GET4: variants seen among roughly 807,000 people sequenced by gnomAD.
GET4 encodes Golgi to ER traffic protein 4 homolog.
In GET4, 20 loss-of-function variants were observed where a neutral mutation model predicts 40.0. The observed-to-expected ratio is 0.50, with a 90% CI of 0.35 to 0.73. The LOEUF (loss-of-function observed/expected upper bound fraction) is 0.73. Among genes scored for constraint, GET4 ranks in the 30% least tolerant of loss-of-function variants. The pLI is 0.01. For missense variants in GET4, 557 were observed against 454.0 expected (o/e 1.23, Z -2.06); for synonymous variants, 280 against 194.6 (o/e 1.44, Z -3.65).
intron 8 of GET4, 58 bp from the exon 9 acceptor site, chr7:895,276 G>A: frequency 3.6e-6 from 3 of 823,596 alleles, no homozygotes; most frequent in East Asian, 2.6e-5. Flanking sequence ...GGAAGGAGGG[G>A]CTTGGGGGCC....
intron 6 of GET4, among the ~76,000 whole-genome samples, chr7:893,266 C>T (rs113013327): frequency 3.1e-5 from 3 of 97,824 alleles, no homozygotes; most frequent in Non-Finnish European, 5.8e-5. Context: ...TGGGCGCGGG[C>T]GCGGTGGTGT....
At chr7:886,210 C>A (rs925175391) in intron 2 of GET4, 76 bp downstream of exon 2, 1 of 945,936 alleles carries the variant, frequency 1.1e-6, no homozygotes, top group Non-Finnish European at 1.7e-6. Flanking sequence ...CCTCCCACCT[C>A]CACTGATGGG....
At chr7:892,989 TG>T (rs1248002184) in intron 6 of GET4, among the ~76,000 whole-genome samples, 6 of 150,042 alleles carry the variant, frequency 4.0e-5, no homozygotes, top group African/African-American at 7.4e-5. Context: ...AGGTAAGTGT[TG>T]GGGGCGGGCG....
intron 1 of GET4, among the ~76,000 whole-genome samples, chr7:878,490 G>A (rs1006248736): frequency 6.6e-6 from 1 of 151,400 alleles, no homozygotes; most frequent in East Asian, 1.9e-4. Flanking sequence ...GGCCGTGAAT[G>A]TTTTGATATT....
At chr7:886,847 C>A (rs1390034514) in intron 3 of GET4, among the ~76,000 whole-genome samples, 197 bp downstream of exon 3, 1 of 152,262 alleles carries the variant, frequency 6.6e-6, no homozygotes, top group Non-Finnish European at 1.5e-5. Context: ...ACACGGCAGG[C>A]TGAGCAGGAC....
At position 895,778 on chromosome 7, in the gene GET4, TC is replaced by T. The variant is rs778353274; in HGVS notation, c.*357del. ...GCCCGTCCTCGGGGGGCTGCGCACATCACGCTCCTTGCCGGGCGTCCGGCAC... is the reference window on the plus strand; with the variant it reads ...GCCCGTCCTCGGGGGGCTGCGCACATACGCTCCTTGCCGGGCGTCCGGCAC... On this transcript the variant is annotated 3_prime_UTR_variant, in exon 9 of 9. Coordinates refer to ENST00000265857, the MANE Select transcript of GET4 (RefSeq NM_015949.3). 1 of 169,180 alleles carries T rather than the reference TC, an allele frequency of 5.9e-6. No homozygotes were observed. The highest frequency in any genetic ancestry group is 1.3e-5 in the Non-Finnish European group (1 of 79,404). 10.5% of individuals were successfully genotyped at this position (169,180 alleles called of 1,614,324 possible).
At chr7:892,581 G>A (rs1427113111) in intron 6 of GET4, 163 bp downstream of exon 6, 4 of 655,932 alleles carry the variant, frequency 6.1e-6, no homozygotes, top group African/African-American at 3.6e-5. Flanking sequence ...ACGTGGCATA[G>A]GTGTGTGTGC....
rs1385742064 is a variant in GET4, at chr7:886,064, C to A, written c.164C>A (p.Ser55Tyr). 6.2e-7 allele frequency: 1 copy of A among 1,602,432 alleles called. No individual in the cohort carries two copies. The highest frequency in any genetic ancestry group is 2.2e-5 in the East Asian group (1 of 44,840). The change falls in exon 2 of 9, where the codon TCC (serine) becomes TAC (tyrosine). Residue 55 changes from serine (S) to tyrosine (Y), a missense_variant. Transcript: ENST00000265857. ...MYRTLFFRYM[S>Y]QSKHTEAREL... ...TCTCCTCTCTGTGGCAGGTACATGT[C>A]CCAGAGCAAGCACACGGAGGCCCGG... is the stretch of plus-strand genomic sequence containing the variant.
At position 886,106 on chromosome 7, in the gene GET4, G is replaced by C. The variant is rs1236643834; in HGVS notation, c.206G>C (p.Gly69Ala). Residue 69 changes from glycine (G) to alanine (A), a missense_variant, in exon 2 of 9, where the codon GGA becomes GCA. Transcript: ENST00000265857. ...HTEARELMYS[G>A]ALLFFSHGQQ... Reference sequence around the variant, plus strand: ...GAGGCCCGGGAGCTCATGTACTCGGGAGCCCTGCTCTTCTTCAGCCATGGC... The same window carrying C: ...GAGGCCCGGGAGCTCATGTACTCGGCAGCCCTGCTCTTCTTCAGCCATGGC... 1.2e-6 allele frequency: 2 copies of C among 1,610,036 alleles called. No individual in the cohort carries two copies. The highest frequency in any genetic ancestry group is 3.3e-5 in the Admixed American group (2 of 60,018).
intron 8 of GET4, among the ~76,000 whole-genome samples, chr7:894,716 C>T (rs923115131): frequency 7.2e-5 from 11 of 152,184 alleles, no homozygotes; most frequent in Admixed American, 5.9e-4. Flanking sequence ...GGGGTGACGT[C>T]GTGGATAAGA....
intron 5 of GET4, among the ~76,000 whole-genome samples, chr7:891,382 G>A (rs546203741): frequency 3.9e-5 from 6 of 152,326 alleles, no homozygotes; most frequent in Admixed American, 2.0e-4. Context: ...GTTCTTTCCC[G>A]CACTATCTGG....
At chr7:877,365 C>A (rs1466712160) in intron 1 of GET4, among the ~76,000 whole-genome samples, 2 of 122,836 alleles carry the variant, frequency 1.6e-5, no homozygotes, top group African/African-American at 3.2e-5. Flanking sequence ...CCTCCCCCTG[C>A]CCCTCGTCTC....
chr7:876,981 G>A (rs948271646), intron 1 of GET4, among the ~76,000 whole-genome samples, 181 bp downstream of exon 1: 1 of 151,704 alleles, frequency 6.6e-6, no homozygotes, highest in Non-Finnish European at 1.5e-5. Flanking sequence ...GTCTGGCCCT[G>A]TGTGGCCCGG....
chr7:879,329 C>G (rs1844037196), intron 1 of GET4, among the ~76,000 whole-genome samples: 2 of 152,234 alleles, frequency 1.3e-5, no homozygotes, highest in Admixed American at 1.3e-4. Context: ...AAGGTGGACT[C>G]AGCAGCCCCA....
chr7:877,231 C>G (rs1033469109), intron 1 of GET4, among the ~76,000 whole-genome samples: 1 of 144,972 alleles, frequency 6.9e-6, no homozygotes, highest in South Asian at 2.2e-4. Context: ...CTGGCCTTCT[C>G]CTTCTTCCTT....
intron 1 of GET4, chr7:882,679 C>T (rs576241121): frequency 1.3e-5 from 2 of 151,922 alleles, no homozygotes; most frequent in South Asian, 2.0e-4. Context: ...GGGCGGCCGA[C>T]CTTGCCCCGG....
At position 895,354 on chromosome 7, in the gene GET4, A is replaced by G. The variant is rs753633976; in HGVS notation, c.916A>G (p.Met306Val). 2 of 1,585,132 alleles carry G rather than the reference A, an allele frequency of 1.3e-6. No individual in the cohort carries two copies. The highest frequency in any genetic ancestry group is 2.3e-5 in the East Asian group (1 of 44,288). The part of the protein sequence containing the change: ...GLLGNLLTSL[M>V]GSSEQEDGEE... ...TCCAGGGAACCTTCTGACCAGCCTC[A>G]TGGGCTCCTCAGAGCAGGAGGATGG... Residue 306 changes from methionine (M) to valine (V), a missense_variant, in exon 9 of 9, where the codon ATG becomes GTG. Coordinates refer to ENST00000265857, the MANE Select transcript of GET4 (RefSeq NM_015949.3).
At chr7:882,367 T>C (rs1585490359) in intron 1 of GET4, 1 of 152,310 alleles carries the variant, frequency 6.6e-6, no homozygotes, top group East Asian at 1.9e-4. Flanking sequence ...GGGAAGGAAT[T>C]GGGAACCCAG....
Position 886,045 on chromosome 7 carries a change from C to G in GET4, c.156-11C>G, listed in dbSNP as rs1844180420. 3.8e-6 allele frequency: 6 copies of G among 1,570,044 alleles called. No individual in the cohort carries two copies. Among genetic ancestry groups the G allele is most frequent in the African/African-American group, 1.3e-5 (1 of 74,228 alleles). ...ACGTGGGCGTGGCTCACGGTCTCCT[C>G]TCTGTGGCAGGTACATGTCCCAGAG... On this transcript the variant is annotated splice_polypyrimidine_tract_variant and intron_variant, in intron 1 of 8. Coordinates refer to ENST00000265857, the MANE Select transcript of GET4 (RefSeq NM_015949.3).
Sources: allele counts gnomAD v4.1 joint callset (sites outside exome capture counted in the v4.1 genomes callset), GRCh38; gene constraint gnomAD v4.1.1; transcripts MANE v1.5; gene names NCBI Gene and HGNC (gene_info 2026-07-23, HGNC 2026-07-21).